WDPCP: variants seen among roughly 807,000 people sequenced by gnomAD.
WDPCP encodes the protein WD repeat-containing and planar cell polarity effector protein fritz homolog.
In WDPCP, 71 loss-of-function variants were observed where a neutral mutation model predicts 93.1. The observed-to-expected ratio is 0.76, with a 90% CI of 0.63 to 0.93. The LOEUF (loss-of-function observed/expected upper bound fraction) is 0.93. WDPCP is among the 40% of genes least tolerant of loss of function. The probability of loss-of-function intolerance (pLI) is 0.00; values close to 1 mark genes in which losing one functional copy is unlikely to be tolerated. For synonymous variants in WDPCP, 315 were observed against 315.0 expected, an observed-to-expected ratio of 1.00 and a Z score of 0.00; for missense variants, 844 against 887.4, an observed-to-expected ratio of 0.95 and a Z score of 0.62.
At chr2:63,780,155 G>A (rs945363619) in intron 2 of WDPCP, among the ~76,000 whole-genome samples, 2 of 152,026 alleles carry the variant, frequency 1.3e-5, no homozygotes, top group African/African-American at 4.8e-5. Context: ...TCTGTGCCCT[G>A]CACTCACATT....
At chr2:63,706,395 G>A (rs1399114997) in intron 2 of WDPCP, among the ~76,000 whole-genome samples, 1 of 152,102 alleles carries the variant, frequency 6.6e-6, no homozygotes, top group Non-Finnish European at 1.5e-5. Flanking sequence ...TAGTCTTGAT[G>A]GTCTTTACAA....
At chr2:63,567,588 C>A (rs1382647922) in intron 1 of WDPCP, among the ~76,000 whole-genome samples, 1 of 152,178 alleles carries the variant, frequency 6.6e-6, no homozygotes, top group Non-Finnish European at 1.5e-5. Flanking sequence ...CACTTTTCCC[C>A]CTACTTAGCT....
intron 7 of WDPCP, 30 bp from the exon 8 acceptor site, chr2:63,437,584 TA>T: frequency 6.5e-7 from 1 of 1,538,642 alleles, no homozygotes; most frequent in Non-Finnish European, 8.8e-7. Context: ...ATTACCAAGT[TA>T]GAATAAAATA....
chr2:63,274,483 A>G (rs1589092), intron 13 of WDPCP, among the ~76,000 whole-genome samples: 123,618 of 151,970 alleles, frequency 0.81, 51,062 homozygotes, highest in East Asian at 0.96. Context: ...AAAGATCAGG[A>G]CAGAACTAAA....
chr2:63,168,107 CAAAAAAAAA>C (rs957507138), intron 15 of WDPCP, among the ~76,000 whole-genome samples: 2 of 53,546 alleles, frequency 3.7e-5, no homozygotes, highest in Non-Finnish European at 6.6e-5. Context: ...GAGACCCTGC[CAAAAAAAAA>C]AAAAAAAAAA....
chr2:63,123,108 T>A (rs991748618), intron 17 of WDPCP, among the ~76,000 whole-genome samples: 3 of 151,352 alleles, frequency 2.0e-5, no homozygotes, highest in African/African-American at 7.3e-5. Context: ...TAATAGTGCC[T>A]GAGGCTTGAG....
intron 2 of WDPCP, among the ~76,000 whole-genome samples, chr2:63,651,147 G>A (rs1033475966): frequency 6.6e-6 from 1 of 152,144 alleles, no homozygotes; most frequent in African/African-American, 2.4e-5. Flanking sequence ...GAGCCACCCT[G>A]TCAGCCTGGA....
In WDPCP at chr2:63,720,972, G is replaced by C. The variant is rs1205947653; in HGVS notation, n.309-70134C>G. Among the ~76,000 whole-genome samples, 5 of 152,202 alleles carry C rather than the reference G, an allele frequency of 3.3e-5. No homozygotes were observed. The East Asian group carries it at 9.6e-4, about 29-fold the overall frequency. ...TACCTGACAGATAGTCATTAACCTGGAGCCTGAAATGTCAATAGCAAAGTA... is the reference window on the plus strand; with the variant it reads ...TACCTGACAGATAGTCATTAACCTGCAGCCTGAAATGTCAATAGCAAAGTA... On this transcript the variant is annotated intron_variant and non_coding_transcript_variant, in intron 2 of 4. Coordinates refer to the WDPCP transcript ENST00000467687.
At chr2:63,267,322 C>T (rs1682220216) in intron 13 of WDPCP, among the ~76,000 whole-genome samples, 1 of 152,084 alleles carries the variant, frequency 6.6e-6, no homozygotes, top group South Asian at 2.1e-4. Flanking sequence ...ACCCTTACAT[C>T]AAACCACATA....
chr2:63,213,814 C>T (rs893493745), intron 14 of WDPCP, among the ~76,000 whole-genome samples: 4 of 152,082 alleles, frequency 2.6e-5, no homozygotes, highest in African/African-American at 9.7e-5. Flanking sequence ...CACAGAGATA[C>T]AAACTACCCT....
intron 17 of WDPCP, among the ~76,000 whole-genome samples, chr2:63,127,035 T>C (rs550302373): frequency 8.5e-5 from 13 of 152,100 alleles, no homozygotes; most frequent in East Asian, 5.8e-4. Context: ...AGATATGATA[T>C]ATAAAATACT....
chr2:63,493,098 C>T (rs934064480), intron 1 of WDPCP, among the ~76,000 whole-genome samples, 158 bp from the exon 2 acceptor site: 5 of 152,086 alleles, frequency 3.3e-5, no homozygotes, highest in African/African-American at 1.2e-4. Context: ...CCTTGGTTAA[C>T]CATCCAGAAA....
intron 14 of WDPCP, among the ~76,000 whole-genome samples, chr2:63,223,371 C>T (rs1002893559): frequency 2.2e-4 from 33 of 151,968 alleles, no homozygotes; most frequent in African/African-American, 7.3e-4. Flanking sequence ...TGTGAGAATC[C>T]CGAGATAGCA....
At chr2:63,725,066 G>T (rs1246877014) in intron 2 of WDPCP, among the ~76,000 whole-genome samples, 2 of 152,074 alleles carry the variant, frequency 1.3e-5, no homozygotes, top group Non-Finnish European at 2.9e-5. Context: ...TTTATTTTAG[G>T]TTCAGAGGGG....
At chr2:63,757,804 C>T (rs561738841) in intron 2 of WDPCP, among the ~76,000 whole-genome samples, 1 of 152,310 alleles carries the variant, frequency 6.6e-6, no homozygotes, top group South Asian at 2.1e-4. Flanking sequence ...TCTCTCCTAC[C>T]ATAGCGATCA....
At chr2:63,479,114 T>A (rs540126002) in intron 6 of WDPCP, among the ~76,000 whole-genome samples, 5 of 150,510 alleles carry the variant, frequency 3.3e-5, no homozygotes, top group East Asian at 3.9e-4. Context: ...CCTGGAAATA[T>A]ACAACCTTCC....
At chr2:63,605,777 G>T in intron 3 of WDPCP, 1 of 652,510 alleles carries the variant, frequency 1.5e-6, no homozygotes, top group East Asian at 2.6e-5. Flanking sequence ...TAATATCCAT[G>T]AAAGTTACCT....
intron 13 of WDPCP, among the ~76,000 whole-genome samples, chr2:63,307,048 G>C (rs561540231): frequency 6.6e-6 from 1 of 151,950 alleles, no homozygotes; most frequent in Non-Finnish European, 1.5e-5. Context: ...GCAAAGTCTC[G>C]GGATACAAAA....
intron 6 of WDPCP, chr2:63,442,593 A>T (rs1697574405): frequency 6.6e-6 from 1 of 152,166 alleles, no homozygotes; most frequent in African/African-American, 2.4e-5. Flanking sequence ...GGTTGGACTC[A>T]ATGTTAGATG....
Sources: allele counts gnomAD v4.1 joint callset (sites outside exome capture counted in the v4.1 genomes callset), GRCh38; gene constraint gnomAD v4.1.1; transcripts MANE v1.5; gene names NCBI Gene and HGNC (gene_info 2026-07-23, HGNC 2026-07-21).